Variants in SUGCT observed in about 807,000 individuals in gnomAD.
The protein encoded by SUGCT is succinyl-CoA:glutarate CoA-transferase.
In SUGCT, 41 loss-of-function variants were observed where a neutral mutation model predicts 55.0. The observed-to-expected ratio is 0.74, with a 90% CI of 0.58 to 0.97. The LOEUF (loss-of-function observed/expected upper bound fraction) is 0.97, where lower values mean the gene tolerates loss of function less well. Among genes scored for constraint, SUGCT ranks in the 50% least tolerant of loss-of-function variants. SUGCT has a pLI of 0.00. For synonymous variants in SUGCT, 187 were observed against 200.4 expected (o/e 0.93, Z 0.56); for missense variants, 568 against 547.8 (o/e 1.04, Z -0.37).
At chr7:40,401,701 T>C (rs936306085) in intron 9 of SUGCT, among the ~76,000 whole-genome samples, 14 of 152,148 alleles carry the variant, frequency 9.2e-5, no homozygotes, top group African/African-American at 2.7e-4. Flanking sequence ...TAGAAACTAG[T>C]TTAATAATCT....
At chr7:40,476,213 A>G (rs1490190228) in intron 11 of SUGCT, among the ~76,000 whole-genome samples, 1 of 152,190 alleles carries the variant, frequency 6.6e-6, no homozygotes, top group African/African-American at 2.4e-5. Flanking sequence ...TACTTAAAAC[A>G]GTGCCTTACA....
intron 9 of SUGCT, among the ~76,000 whole-genome samples, chr7:40,356,022 G>C (rs1797871238): frequency 6.6e-6 from 1 of 152,212 alleles, no homozygotes; most frequent in East Asian, 1.9e-4. Flanking sequence ...AAATTCCTCA[G>C]TTGCTCCGTT....
intron 6 of SUGCT, among the ~76,000 whole-genome samples, chr7:40,215,517 T>C (rs1584363220): frequency 6.6e-6 from 1 of 151,834 alleles, no homozygotes; most frequent in African/African-American, 2.4e-5. Context: ...GGCTAGTGAG[T>C]TTCATGTATC....
chr7:41,029,361 T>C, the SUGCT span, among the ~76,000 whole-genome samples: 1 of 152,150 alleles, frequency 6.6e-6, no homozygotes, highest in Non-Finnish European at 1.5e-5. Flanking sequence ...AGGGAGAGCC[T>C]ACCCCCAGAT....
intron 8 of SUGCT, among the ~76,000 whole-genome samples, chr7:40,289,623 C>G (rs1793596898): frequency 6.6e-6 from 1 of 152,146 alleles, no homozygotes; most frequent in African/African-American, 2.4e-5. Context: ...CCCACCACTC[C>G]TATTCAACAT....
At chr7:40,201,606 T>G (rs1301148051) in intron 6 of SUGCT, among the ~76,000 whole-genome samples, 1 of 152,178 alleles carries the variant, frequency 6.6e-6, no homozygotes, top group African/African-American at 2.4e-5. Context: ...ATTAAGCTCA[T>G]TATTTAAAGA....
At chr7:40,854,417 TTC>T (rs1459271074) in intron 13 of SUGCT, among the ~76,000 whole-genome samples, 2 of 68,510 alleles carry the variant, frequency 2.9e-5, no homozygotes, top group Non-Finnish European at 6.3e-5. Flanking sequence ...CTTTCTTTCT[TTC>T]CTTTCTTTCT....
intron 10 of SUGCT, among the ~76,000 whole-genome samples, chr7:40,457,266 C>T (rs1369647721): frequency 6.6e-6 from 1 of 151,958 alleles, no homozygotes; most frequent in African/African-American, 2.4e-5. Flanking sequence ...ATGGTAAAAC[C>T]TCATCTCTAC....
rs1802023227 is a variant in SUGCT at position 40,673,106 on chromosome 7, A to G, written c.1090-76328A>G. Reference sequence around the variant, plus strand: ...TCAGTAATATTTTCTTCAATAACTTATAACTAGTTTTGTTCCATTTGTCTT... The same window carrying G: ...TCAGTAATATTTTCTTCAATAACTTGTAACTAGTTTTGTTCCATTTGTCTT... On this transcript the variant is annotated intron_variant, in intron 12 of 13. Transcript: ENST00000335693. 2.0e-5 allele frequency among the ~76,000 whole-genome samples: 3 copies of G among 152,346 alleles called. No individual in the cohort carries two copies. The South Asian group carries it at 6.2e-4, about 32-fold the overall frequency.
At chr7:40,239,958 T>A (rs1272418476) in intron 7 of SUGCT, among the ~76,000 whole-genome samples, 1 of 152,184 alleles carries the variant, frequency 6.6e-6, no homozygotes, top group East Asian at 1.9e-4. Flanking sequence ...TGGTAGGCGC[T>A]GGAGATTAAG....
At chr7:40,584,870 AT>A (rs1797294892) in intron 12 of SUGCT, among the ~76,000 whole-genome samples, 1 of 152,188 alleles carries the variant, frequency 6.6e-6, no homozygotes, top group Non-Finnish European at 1.5e-5. Flanking sequence ...GTATCTTAAC[AT>A]TCTGCTTCCT....
the SUGCT span, among the ~76,000 whole-genome samples, chr7:40,870,059 G>T: frequency 1.3e-5 from 2 of 152,096 alleles, no homozygotes; most frequent in African/African-American, 2.4e-5. Flanking sequence ...AGTATATTTT[G>T]GGGAAATATT....
chr7:40,299,101 A>G (rs774022147), intron 8 of SUGCT, among the ~76,000 whole-genome samples: 2 of 152,138 alleles, frequency 1.3e-5, no homozygotes, highest in Non-Finnish European at 2.9e-5. Flanking sequence ...AAGCACAGTG[A>G]CTTGATTTTT....
At chr7:40,313,857 G>A (rs893968303) in intron 8 of SUGCT, among the ~76,000 whole-genome samples, 2 of 151,888 alleles carry the variant, frequency 1.3e-5, no homozygotes, top group African/African-American at 4.8e-5. Flanking sequence ...CTCCCAAAGT[G>A]CTAGGATTAC....
chr7:40,238,983 G>A (rs545467550), intron 7 of SUGCT, among the ~76,000 whole-genome samples: 5 of 152,138 alleles, frequency 3.3e-5, no homozygotes, highest in East Asian at 1.9e-4. Context: ...ACCATGACCA[G>A]CTAATTTTTG....
chr7:40,242,922 TATATATATA>T (rs1423159994), intron 7 of SUGCT, among the ~76,000 whole-genome samples: 2 of 29,230 alleles, frequency 6.8e-5, no homozygotes, highest in East Asian at 1.2e-3. Flanking sequence ...TATATATATA[TATATATATA>T]TATTTTTTTT....
At chr7:40,688,252 T>C (rs141039271) in intron 12 of SUGCT, among the ~76,000 whole-genome samples, 1 of 152,318 alleles carries the variant, frequency 6.6e-6, no homozygotes, top group African/African-American at 2.4e-5. Context: ...CCAGTCTTTC[T>C]CTGTTACACA....
chr7:40,734,611 A>G (rs1787066589), intron 12 of SUGCT, among the ~76,000 whole-genome samples: 1 of 152,088 alleles, frequency 6.6e-6, no homozygotes, highest in Non-Finnish European at 1.5e-5. Flanking sequence ...GACAAGTCAC[A>G]CAGAAAACTC....
intron 1 of SUGCT, among the ~76,000 whole-genome samples, chr7:40,180,508 G>A (rs1164385439): frequency 7.2e-6 from 1 of 139,724 alleles, no homozygotes; most frequent in East Asian, 2.1e-4. Context: ...TTTTTTTTTC[G>A]AGACAGAGCC....
Sources: gnomAD v4.1 joint callset for allele counts (sites outside exome capture counted in the v4.1 genomes callset) on GRCh38, gnomAD v4.1.1 for gene constraint, MANE v1.5 for transcripts, NCBI Gene and HGNC (gene_info 2026-07-23, HGNC 2026-07-21) for gene names.